CD300LG: variants seen among roughly 807,000 people sequenced by gnomAD.
The protein encoded by CD300LG is CD300 molecule like family member g.
CD300LG carries 29 observed loss-of-function variants against 31.5 expected under a neutral mutation model. The observed-to-expected ratio is 0.92, with a 90% CI of 0.68 to 1.25. CD300LG has a LOEUF of 1.25. Among genes scored for constraint, CD300LG ranks in the 50% most tolerant of loss-of-function variants. The pLI is 0.00. For missense variants in CD300LG, 396 were observed against 417.6 expected, an observed-to-expected ratio of 0.95 and a Z score of 0.45; for synonymous variants, 175 against 177.2, an observed-to-expected ratio of 0.99 and a Z score of 0.10.
Position 43,862,534 on chromosome 17 carries a change from T to G in CD300LG, c.*623T>G, listed in dbSNP as rs2046671897. Reference sequence around the variant, plus strand: ...TGAATTTCTAACAATGCCCAGTGACTGTCGCACTTGAGTTTGAGGGCCAGT... The same window carrying G: ...TGAATTTCTAACAATGCCCAGTGACGGTCGCACTTGAGTTTGAGGGCCAGT... On this transcript the variant is annotated 3_prime_UTR_variant, in exon 7 of 7. Coordinates refer to ENST00000317310, the MANE Select transcript of CD300LG (RefSeq NM_145273.4). 6.6e-6 allele frequency: 1 copy of G among 152,204 alleles called. No individual in the cohort carries two copies. The highest frequency in any genetic ancestry group is 6.5e-5 in the Admixed American group (1 of 15,282). The allele number at this position is 152,204 out of a possible 1,614,324, so 9.4% of individuals were successfully genotyped here.
At chr17:43,859,593 G>T (rs554884347) in intron 6 of CD300LG, among the ~76,000 whole-genome samples, 1 of 152,164 alleles carries the variant, frequency 6.6e-6, no homozygotes. Flanking sequence ...GTGGTCCAGG[G>T]TCAGCAGTGG....
chr17:43,849,048 G>T, intron 2 of CD300LG, 155 bp downstream of exon 2: 1 of 674,420 alleles, frequency 1.5e-6, no homozygotes. Flanking sequence ...GGGCACAGAA[G>T]GAGCCGCCTG....
chr17:43,857,715 A>T, intron 6 of CD300LG: 4 of 1,447,092 alleles, frequency 2.8e-6, no homozygotes, highest in Non-Finnish European at 3.8e-6. Context: ...GGTCTTGCCC[A>T]TGGTCACACA....
At position 43,853,989 on chromosome 17, in the gene CD300LG, T is replaced by A. The variant is rs1244290308; in HGVS notation, c.664T>A (p.Ser222Thr). 2.5e-6 allele frequency: 4 copies of A among 1,614,062 alleles called. No individual in the cohort carries two copies. The highest frequency in any genetic ancestry group is 3.4e-6 in the Non-Finnish European group (4 of 1,180,020). Residue 222 changes from serine (S) to threonine (T), a missense_variant, in exon 4 of 7, where the codon TCC becomes ACC. Coordinates refer to ENST00000317310, the MANE Select transcript of CD300LG (RefSeq NM_145273.4). ...CTCCCGCCCCCCCATGCAGCTGGACTCCACCTCAGCAGAGGACACCAGTCC... is the reference window on the plus strand; with the variant it reads ...CTCCCGCCCCCCCATGCAGCTGGACACCACCTCAGCAGAGGACACCAGTCC... ...GSSRPPMQLD[S>T]TSAEDTSPAL...
In CD300LG at chr17:43,861,743, C is replaced by T; in HGVS notation, c.886-55C>T. 8.0e-6 allele frequency: 10 copies of T among 1,251,394 alleles called. No homozygotes were observed. In the South Asian group the frequency reaches 1.5e-4, roughly 19 times the overall value. The allele number at this position is 1,251,394 out of a possible 1,614,324, so 77.5% of individuals were successfully genotyped here. On this transcript the variant is annotated intron_variant, in intron 6 of 6. Coordinates refer to ENST00000317310, the MANE Select transcript of CD300LG (RefSeq NM_145273.4). ...AGCTACCTGGGGACCACCCCTCACACCTCCCACCCCTTCATCTGGGTTCTG... is the reference window on the plus strand; with the variant it reads ...AGCTACCTGGGGACCACCCCTCACATCTCCCACCCCTTCATCTGGGTTCTG...
intron 6 of CD300LG, among the ~76,000 whole-genome samples, chr17:43,860,086 C>T (rs556731303): frequency 1.8e-4 from 27 of 152,132 alleles, no homozygotes; most frequent in African/African-American, 6.3e-4. Flanking sequence ...GCCTCTGCCC[C>T]CATCCACAGC....
chr17:43,857,006 C>T lies in CD300LG; in HGVS notation c.833-98C>T, dbSNP rs2046540823. ...CCTCCCTCTGGGAAGCCCCTGCTCC[C>T]GTGTGCAAGGGGGCCAGTCCACCTT... On this transcript the variant is annotated intron_variant, in intron 5 of 6. Coordinates refer to ENST00000317310, the MANE Select transcript of CD300LG (RefSeq NM_145273.4). 13 of 1,226,244 alleles carry T rather than the reference C, an allele frequency of 1.1e-5. 1 individual carries two copies. Among genetic ancestry groups the T allele is most frequent in the South Asian group, 8.7e-5 (7 of 80,812 alleles). 76.0% of individuals were successfully genotyped at this position (1,226,244 alleles called of 1,614,324 possible). A position where few individuals can be genotyped will look rare whatever the true frequency, so the allele number is the denominator to read the frequency against.
chr17:43,851,683 C>G lies in CD300LG; in HGVS notation c.380-1229C>G, dbSNP rs899927692. On this transcript the variant is annotated intron_variant, in intron 2 of 6. Coordinates refer to ENST00000317310, the MANE Select transcript of CD300LG (RefSeq NM_145273.4). ...TTTTTTTTTGAGACGGAGTCTCGCT[C>G]TGTCGCCCAGGCTGGAGTGCAGTGG... 3.0e-5 allele frequency among the ~76,000 whole-genome samples: 4 copies of G among 135,226 alleles called. No individual in the cohort carries two copies. In the Admixed American group the frequency reaches 3.3e-4, roughly 11 times the overall value. The allele number at this position is 135,226 out of a possible 152,430, so 88.7% of individuals were successfully genotyped here.
At chr17:43,848,241 C>G (rs768489470) in intron 1 of CD300LG, among the ~76,000 whole-genome samples, 1 of 150,380 alleles carries the variant, frequency 6.6e-6, no homozygotes, top group Non-Finnish European at 1.5e-5. Flanking sequence ...GACTCCATCT[C>G]AAAAACAAAC....
In CD300LG at chr17:43,851,764, C is replaced by T. The variant is rs555483402; in HGVS notation, c.380-1148C>T. ...GTAGAGACAGGGTTTCACGTGTTAGCCAGGATGGTCTCGATCTCCTGACCT... is the reference window on the plus strand; with the variant it reads ...GTAGAGACAGGGTTTCACGTGTTAGTCAGGATGGTCTCGATCTCCTGACCT... On this transcript the variant is annotated intron_variant, in intron 2 of 6. Coordinates refer to ENST00000317310, the MANE Select transcript of CD300LG (RefSeq NM_145273.4). 7.3e-5 allele frequency among the ~76,000 whole-genome samples: 11 copies of T among 149,804 alleles called. No individual in the cohort carries two copies. In the East Asian group the frequency reaches 1.2e-3, roughly 16 times the overall value.
rs1276671967 is a variant in CD300LG, at chr17:43,852,906, C to T, written c.380-6C>T. 1 of 1,608,892 alleles carries T rather than the reference C, an allele frequency of 6.2e-7. No individual in the cohort carries two copies. The highest frequency in any genetic ancestry group is 8.5e-7 in the Non-Finnish European group (1 of 1,176,944). On this transcript the variant is annotated splice_region_variant and splice_polypyrimidine_tract_variant and intron_variant, in intron 2 of 6. Transcript: ENST00000317310. The stretch of plus-strand genomic sequence containing the variant: ...CCCCTGAGAGCAGCCTTTCCCTTTC[C>T]TCTAGGACCCTGCTGTCCTCCCTCC...
chr17:43,857,132 C>T lies in CD300LG; in HGVS notation c.861C>T (p.Asn287=), dbSNP rs142790995. 68 of 1,614,034 alleles carry T rather than the reference C, an allele frequency of 4.2e-5. No individual in the cohort carries two copies. The highest frequency in any genetic ancestry group is 5.0e-5 in the Non-Finnish European group (59 of 1,180,028). ...EAQQATETQR[N]EKFCLSRLTA... is the part of the protein sequence containing the mutation. ...AACAGGCCACGGAGACACAGAGGAA[C>T]GAGAAGTTCTGCCTCTCACGCTTGG... Residue 287 remains asparagine, a synonymous_variant, in exon 6 of 7, where the codon AAC becomes AAT. Transcript: ENST00000317310.
At chr17:43,852,799 T>C (rs1270139950) in intron 2 of CD300LG, 113 bp from the exon 3 acceptor site, 5 of 735,124 alleles carry the variant, frequency 6.8e-6, no homozygotes, top group Non-Finnish European at 8.6e-6. Flanking sequence ...AGGCGAAAGA[T>C]GGCAGTGCTC....
rs150645140 is a variant in CD300LG at position 43,856,807 on chromosome 17, CA to C, written c.833-296del. Reference sequence around the variant, plus strand: ...AGACTCTGCACTGTACAAAAACATCCAGGGGGTCCTATGTGCACACTAAGGC... The same window carrying C: ...AGACTCTGCACTGTACAAAAACATCCGGGGGTCCTATGTGCACACTAAGGC... On this transcript the variant is annotated intron_variant, in intron 5 of 6. Transcript: ENST00000317310. Among the ~76,000 whole-genome samples, 41 of 152,324 alleles carry C rather than the reference CA, an allele frequency of 2.7e-4. No individual in the cohort carries two copies. The East Asian group carries it at 5.8e-3, about 21-fold the overall frequency.
At chr17:43,850,274 C>T (rs1277716262) in intron 2 of CD300LG, among the ~76,000 whole-genome samples, 2 of 152,112 alleles carry the variant, frequency 1.3e-5, no homozygotes, top group South Asian at 2.1e-4. Flanking sequence ...TTCCAGCCAT[C>T]GACAGTTTAA....
At chr17:43,857,620 A>G in intron 6 of CD300LG, 1 of 1,129,686 alleles carries the variant, frequency 8.9e-7, no homozygotes, top group South Asian at 1.3e-5. Context: ...TGAACCCTCC[A>G]GGGGTGGGGT....
At position 43,848,565 on chromosome 17, in the gene CD300LG, A is replaced by G; in HGVS notation, c.51A>G (p.Glu17=). The G allele has an allele frequency of 1.2e-6, 2 of 1,612,368 alleles. No homozygotes were observed. The highest frequency in any genetic ancestry group is 1.7e-6 in the Non-Finnish European group (2 of 1,178,778). ...CTCCTGCTCTGATTTTAGGTTATGAAGCCCTGGAGGGCCCAGAGGAAATCA... is the reference window on the plus strand; with the variant it reads ...CTCCTGCTCTGATTTTAGGTTATGAGGCCCTGGAGGGCCCAGAGGAAATCA... ...LWGCLLLPGY[E]ALEGPEEISG... Residue 17 remains glutamate (E), a synonymous_variant, in exon 2 of 7, where the codon GAA becomes GAG. Coordinates refer to ENST00000317310, the MANE Select transcript of CD300LG (RefSeq NM_145273.4).
intron 6 of CD300LG, among the ~76,000 whole-genome samples, chr17:43,860,099 C>G (rs1315913255): frequency 6.6e-6 from 1 of 152,154 alleles, no homozygotes; most frequent in Non-Finnish European, 1.5e-5. Flanking sequence ...TCCACAGCAG[C>G]TAGGTATTGA....
intron 1 of CD300LG, among the ~76,000 whole-genome samples, chr17:43,848,156 C>T (rs1456110091): frequency 6.6e-6 from 1 of 152,038 alleles, no homozygotes; most frequent in African/African-American, 2.4e-5. Flanking sequence ...GCAGGAGAAT[C>T]ACCTGAACCC....
Sources: allele counts gnomAD v4.1 joint callset (sites outside exome capture counted in the v4.1 genomes callset), GRCh38; gene constraint gnomAD v4.1.1; transcripts MANE v1.5; gene names NCBI Gene and HGNC (gene_info 2026-07-23, HGNC 2026-07-21).